Variants in SPATA6 observed in about 807,000 individuals in gnomAD.
SPATA6 encodes spermatogenesis associated 6.
In SPATA6, 56 loss-of-function variants were observed where a neutral mutation model predicts 65.3. The ratio of observed to expected loss-of-function variants is 0.86; its 90% CI spans 0.69 to 1.07. The LOEUF is 1.07. SPATA6 is among the 50% of genes least tolerant of loss of function. The pLI, the probability that SPATA6 is intolerant of heterozygous loss-of-function variation, is 0.00. For missense variants in SPATA6, 590 were observed against 594.8 expected, an observed-to-expected ratio of 0.99 and a Z score of 0.08; for synonymous variants, 199 against 213.2, an observed-to-expected ratio of 0.93 and a Z score of 0.58.
At chr1:48,369,141 G>A (rs1032675530) in intron 9 of SPATA6, among the ~76,000 whole-genome samples, 6 of 152,254 alleles carry the variant, frequency 3.9e-5, no homozygotes, top group South Asian at 2.1e-4. Context: ...CTGCCTGATC[G>A]GTCCTCTGGA....
intron 5 of SPATA6, among the ~76,000 whole-genome samples, chr1:48,407,575 T>C (rs1236625537): frequency 6.6e-6 from 1 of 152,186 alleles, no homozygotes; most frequent in Non-Finnish European, 1.5e-5. Context: ...AAACTTTAGT[T>C]CTCACTTACC....
chr1:48,424,505 C>A (rs1203983378), intron 3 of SPATA6, among the ~76,000 whole-genome samples: 1 of 152,136 alleles, frequency 6.6e-6, no homozygotes. Flanking sequence ...ATATACTCAG[C>A]AGTGGGATTG....
At chr1:48,383,453 C>T (rs1476747056) in intron 9 of SPATA6, among the ~76,000 whole-genome samples, 3 of 31,482 alleles carry the variant, frequency 9.5e-5, no homozygotes, top group Non-Finnish European at 1.4e-4. Flanking sequence ...ACCTCCCGGA[C>T]GGGGCGGCTG....
the SPATA6 span, among the ~76,000 whole-genome samples, chr1:48,274,248 G>A: frequency 1.3e-5 from 2 of 152,046 alleles, no homozygotes; most frequent in East Asian, 1.9e-4. Context: ...TTAGCCCTAT[G>A]TCAGATGGAT....
chr1:48,419,574 C>T (rs1653125543), intron 3 of SPATA6, among the ~76,000 whole-genome samples: 1 of 152,044 alleles, frequency 6.6e-6, no homozygotes, highest in Non-Finnish European at 1.5e-5. Context: ...ATAAAGAAGA[C>T]ATGTAAACAG....
At chr1:48,300,444 A>G (rs1361531040) in intron 12 of SPATA6, among the ~76,000 whole-genome samples, 1 of 152,188 alleles carries the variant, frequency 6.6e-6, no homozygotes, top group Non-Finnish European at 1.5e-5. Flanking sequence ...GTCTCCTATA[A>G]AAGAAAAGCC....
At chr1:48,299,320 C>T (rs1033910634) in intron 12 of SPATA6, among the ~76,000 whole-genome samples, 1 of 151,498 alleles carries the variant, frequency 6.6e-6, no homozygotes, top group African/African-American at 2.4e-5. Context: ...TCGAGACTAG[C>T]CAGACCAACA....
intron 3 of SPATA6, 108 bp from the exon 4 acceptor site, chr1:48,413,259 CAT>C: frequency 2.8e-6 from 1 of 357,170 alleles, no homozygotes; most frequent in South Asian, 4.3e-5. Flanking sequence ...AGGTAGACTA[CAT>C]ATATGTTTAT....
At position 48,395,297 on chromosome 1, in the gene SPATA6, C is replaced by T. The variant is rs1038187463; in HGVS notation, c.838G>A (p.Glu280Lys). 36 of 1,569,588 alleles carry T rather than the reference C, an allele frequency of 2.3e-5. No individual in the cohort carries two copies. Among genetic ancestry groups the T allele is most frequent in the African/African-American group, 4.1e-5 (3 of 72,942 alleles). ...TGCACCCTTGACCATCCATCTCTTT[C>T]ACAGTCTCTTCCAGAAGATCCCAAT... Reference protein sequence around the residue: ...TLLGSSGRDCERDGWSRVHND... With the variant: ...TLLGSSGRDCKRDGWSRVHND... Residue 280 changes from glutamate to lysine, a missense_variant, in exon 8 of 13, where the codon GAA becomes AAA. Coordinates refer to ENST00000371847, the MANE Select transcript of SPATA6 (RefSeq NM_019073.4).
At chr1:48,264,847 T>C in the SPATA6 span, among the ~76,000 whole-genome samples, 5 of 152,236 alleles carry the variant, frequency 3.3e-5, no homozygotes, top group African/African-American at 7.2e-5. Flanking sequence ...TGAGTCTTTA[T>C]AGTAGAATAA....
intron 9 of SPATA6, among the ~76,000 whole-genome samples, chr1:48,382,861 A>AC (rs1467217085): frequency 2.1e-3 from 155 of 74,744 alleles, no homozygotes; most frequent in African/African-American, 6.1e-3. Context: ...CAGGGGGCTG[A>AC]CCCCCCCTCC....
At chr1:48,444,738 C>T (rs1432126464) in intron 3 of SPATA6, among the ~76,000 whole-genome samples, 2 of 152,202 alleles carry the variant, frequency 1.3e-5, no homozygotes, top group Non-Finnish European at 2.9e-5. Context: ...CTTGCTGCTG[C>T]TCACTCTTTC....
chr1:48,324,855 C>G (rs773124715), intron 11 of SPATA6, among the ~76,000 whole-genome samples: 18 of 151,960 alleles, frequency 1.2e-4, no homozygotes, highest in Non-Finnish European at 2.5e-4. Flanking sequence ...AGCAATCAGA[C>G]CAGAAAGAAA....
intron 3 of SPATA6, among the ~76,000 whole-genome samples, chr1:48,413,980 A>G (rs995365968): frequency 6.4e-4 from 98 of 152,240 alleles, no homozygotes; most frequent in African/African-American, 2.3e-3. Context: ...TGTCTGTTTG[A>G]AACGGAATGC....
At chr1:48,304,773 C>T (rs1645020903) in intron 12 of SPATA6, among the ~76,000 whole-genome samples, 1 of 152,124 alleles carries the variant, frequency 6.6e-6, no homozygotes, top group Non-Finnish European at 1.5e-5. Flanking sequence ...AGGCTCTTTC[C>T]TGTATCAGTT....
intron 9 of SPATA6, among the ~76,000 whole-genome samples, chr1:48,365,163 T>G (rs1646958479): frequency 6.6e-6 from 1 of 152,214 alleles, no homozygotes; most frequent in Non-Finnish European, 1.5e-5. Flanking sequence ...TCTATATCTC[T>G]GTTTTGGTAA....
chr1:48,286,931 T>G, the SPATA6 span, among the ~76,000 whole-genome samples: 5 of 150,626 alleles, frequency 3.3e-5, no homozygotes, highest in African/African-American at 1.2e-4. Flanking sequence ...CCCAGCTACT[T>G]GGGAGACTGA....
chr1:48,442,419 A>G (rs1178695885), intron 3 of SPATA6, among the ~76,000 whole-genome samples: 1 of 152,156 alleles, frequency 6.6e-6, no homozygotes, highest in Non-Finnish European at 1.5e-5. Flanking sequence ...GCAAAAACCC[A>G]AAGAGGTGGC....
intron 9 of SPATA6, among the ~76,000 whole-genome samples, chr1:48,370,683 C>G (rs1233851699): frequency 6.6e-6 from 1 of 152,208 alleles, no homozygotes; most frequent in African/African-American, 2.4e-5. Context: ...TAAATCCTCA[C>G]AACAACCTTA....
Sources: allele counts gnomAD v4.1 joint callset (sites outside exome capture counted in the v4.1 genomes callset), GRCh38; gene constraint gnomAD v4.1.1; transcripts MANE v1.5; gene names NCBI Gene and HGNC (gene_info 2026-07-23, HGNC 2026-07-21).